The following CABIN1 variants were observed in gnomAD, a reference collection of about 807,000 sequenced individuals.
CABIN1 encodes the protein calcineurin-binding protein cabin-1.
CABIN1 carries 133 observed loss-of-function variants against 227.7 expected under a neutral mutation model. That is an observed-to-expected ratio of 0.58 (90% CI 0.51 to 0.67). The LOEUF is 0.67. Among genes scored for constraint, CABIN1 ranks in the 30% least tolerant of loss-of-function variants. The probability of loss-of-function intolerance (pLI) is 0.00; values close to 1 mark genes in which losing one functional copy is unlikely to be tolerated. For synonymous variants in CABIN1, 1,086 were observed against 1,155.1 expected, an observed-to-expected ratio of 0.94 and a Z score of 1.21; for missense variants, 2,408 against 2,852.5, an observed-to-expected ratio of 0.84 and a Z score of 3.55.
rs1194816894 is a variant in CABIN1 at position 24,012,366 on chromosome 22, C to CGTGGGCTGTACAAAAAGG, written c.-75+1008_-75+1025dup. Among the ~76,000 whole-genome samples the CGTGGGCTGTACAAAAAGG allele has an allele frequency of 7.2e-5, 11 of 152,170 alleles. No homozygotes were observed. The East Asian group carries it at 1.9e-3, about 27-fold the overall frequency. On this transcript the variant is annotated intron_variant, in intron 1 of 36. Transcript: ENST00000263119. ...AAAAATGTAAAAACCATTCTTTGCT[C>CGTGGGCTGTACAAAAAGG]GTGGGCTGTACAAAAAGGGTGGGCT...
chr22:24,065,654 G>C lies in CABIN1; in HGVS notation c.2038-1333G>C, dbSNP rs1303179019. ...GCACTTTGGGAGGCCAAGGCAGGCG[G>C]CTGGGAGGTGGAGGTTGTAGCAAGC... is the stretch of plus-strand genomic sequence containing the variant. On this transcript the variant is annotated intron_variant, in intron 15 of 36. Transcript: ENST00000263119. Among the ~76,000 whole-genome samples the C allele has an allele frequency of 2.0e-5, 3 of 152,356 alleles. No homozygotes were observed. The East Asian group carries it at 5.8e-4, about 29-fold the overall frequency.
intron 28 of CABIN1, among the ~76,000 whole-genome samples, chr22:24,129,266 A>T (rs2043920380): frequency 6.6e-6 from 1 of 152,200 alleles, no homozygotes; most frequent in African/African-American, 2.4e-5. Context: ...TGTGAAGAGA[A>T]AGGGAGCGTG....
intron 29 of CABIN1, among the ~76,000 whole-genome samples, chr22:24,163,174 A>C (rs1201618088): frequency 6.6e-6 from 1 of 152,144 alleles, no homozygotes; most frequent in Non-Finnish European, 1.5e-5. Flanking sequence ...TGGCCTCCAC[A>C]TAGTCCCCCA....
In CABIN1 at chr22:24,036,093, G is replaced by T; in HGVS notation, c.8G>T (p.Arg3Leu). The T allele has an allele frequency of 6.2e-7, 1 of 1,612,980 alleles. No individual in the cohort carries two copies. The highest frequency in any genetic ancestry group is 1.1e-5 in the South Asian group (1 of 91,042). The change falls in exon 3 of 37, where the codon CGA (arginine) becomes CTA (leucine). Residue 3 changes from arginine (R) to leucine (L), a missense_variant. Arg to Leu is a moderately radical substitution (Grantham distance 102). Coordinates refer to ENST00000263119, the MANE Select transcript of CABIN1 (RefSeq NM_012295.4). Reference protein sequence around the residue: MIRIAALNASSTI... With the variant: MILIAALNASSTI... Reference sequence around the variant, plus strand: ...CCACCAAACCCCTGTTTCTAGATTCGAATTGCAGCCTTAAATGCCAGCTCC... The same window carrying T: ...CCACCAAACCCCTGTTTCTAGATTCTAATTGCAGCCTTAAATGCCAGCTCC...
At chr22:24,091,426 T>A (rs2041534195) in intron 23 of CABIN1, among the ~76,000 whole-genome samples, 157 bp from the exon 24 acceptor site, 1 of 152,212 alleles carries the variant, frequency 6.6e-6, no homozygotes, top group Admixed American at 6.5e-5. Context: ...TACACTTCGG[T>A]GTCACCAGCT....
chr22:24,080,554 T>A (rs1051761445), intron 19 of CABIN1, among the ~76,000 whole-genome samples: 3 of 152,250 alleles, frequency 2.0e-5, no homozygotes, highest in Non-Finnish European at 4.4e-5. Flanking sequence ...TATTTAGGTC[T>A]TATGCTTTCA....
chr22:24,067,218 C>T (rs780910368), intron 16 of CABIN1, 37 bp downstream of exon 16: 1 of 1,599,698 alleles, frequency 6.3e-7, no homozygotes, highest in African/African-American at 1.3e-5. Context: ...CCACTTGCAC[C>T]TTCTCTCCTT....
Position 24,085,003 on chromosome 22 carries a change from C to T in CABIN1, c.3118-3C>T. 1 of 1,614,232 alleles carries T rather than the reference C, an allele frequency of 6.2e-7. No individual in the cohort carries two copies. Among genetic ancestry groups the T allele is most frequent in the Non-Finnish European group, 8.5e-7 (1 of 1,180,042 alleles). On this transcript the variant is annotated splice_polypyrimidine_tract_variant and splice_region_variant and intron_variant, in intron 21 of 36. Coordinates refer to ENST00000263119, the MANE Select transcript of CABIN1 (RefSeq NM_012295.4). ...CCCTCATACTTTTCCTCTCACCTGC[C>T]AGGTACCCTGCCTCCCAGAGGGGGC...
intron 26 of CABIN1, among the ~76,000 whole-genome samples, chr22:24,100,538 C>T (rs943889756): frequency 6.6e-6 from 1 of 152,236 alleles, no homozygotes; most frequent in Non-Finnish European, 1.5e-5. Flanking sequence ...TTCCTAGTTT[C>T]CACTCAGCTT....
chr22:24,042,874 G>T (rs2037527529), intron 5 of CABIN1, 30 bp from the exon 6 acceptor site: 2 of 1,387,242 alleles, frequency 1.4e-6, no homozygotes, highest in Non-Finnish European at 1.0e-6. Flanking sequence ...GTGTGTGTGT[G>T]TGTTTGCCCT....
intron 19 of CABIN1, among the ~76,000 whole-genome samples, chr22:24,078,665 A>G (rs1031706239): frequency 6.6e-6 from 1 of 152,176 alleles, no homozygotes; most frequent in African/African-American, 2.4e-5. Flanking sequence ...CCTGTGCTAT[A>G]GAGCCTTTAT....
At chr22:24,167,366 TCTTGC>T in intron 32 of CABIN1, 53 bp downstream of exon 32, 1 of 1,551,536 alleles carries the variant, frequency 6.4e-7, no homozygotes, top group South Asian at 1.2e-5. Flanking sequence ...GCATCCCCAC[TCTTGC>T]CTTTCTATCC....
At chr22:24,035,600 T>A in intron 2 of CABIN1, 80 bp downstream of exon 2, 2 of 1,555,874 alleles carry the variant, frequency 1.3e-6, no homozygotes, top group Non-Finnish European at 1.8e-6. Flanking sequence ...GGCATTTTCC[T>A]GTTAGATTCT....
At chr22:24,061,888 C>A (rs1244855169) in intron 12 of CABIN1, 59 bp from the exon 13 acceptor site, 43 of 1,244,480 alleles carry the variant, frequency 3.5e-5, no homozygotes, top group Non-Finnish European at 5.1e-5. Context: ...CCCCCTACCC[C>A]CCACACTGTG....
intron 29 of CABIN1, among the ~76,000 whole-genome samples, chr22:24,144,793 C>A (rs141078625): frequency 9.2e-5 from 14 of 152,202 alleles, no homozygotes; most frequent in African/African-American, 3.4e-4. Flanking sequence ...TGCTGTGCTC[C>A]GTGTTGCTGT....
intron 27 of CABIN1, among the ~76,000 whole-genome samples, chr22:24,119,080 G>A (rs2043247978): frequency 6.6e-6 from 1 of 152,220 alleles, no homozygotes; most frequent in South Asian, 2.1e-4. Flanking sequence ...ACCGTTCAGA[G>A]GGGAAGACCC....
intron 6 of CABIN1, among the ~76,000 whole-genome samples, chr22:24,045,159 C>T (rs1279573983): frequency 2.6e-5 from 4 of 152,210 alleles, no homozygotes; most frequent in African/African-American, 7.2e-5. Flanking sequence ...CTCCTGACCT[C>T]GTGATCCGCC....
chr22:24,122,340 T>G (rs2043465206), intron 28 of CABIN1, among the ~76,000 whole-genome samples: 1 of 152,176 alleles, frequency 6.6e-6, no homozygotes, highest in South Asian at 2.1e-4. Context: ...GGATTTTGGC[T>G]TTTTTCAGAT....
chr22:24,065,831 G>A (rs1315978346), intron 15 of CABIN1, among the ~76,000 whole-genome samples: 4 of 152,234 alleles, frequency 2.6e-5, no homozygotes, highest in Admixed American at 6.5e-5. Flanking sequence ...GCGAAACCCC[G>A]TCTCCACCGA....
Sources: allele counts gnomAD v4.1 joint callset (sites outside exome capture counted in the v4.1 genomes callset), GRCh38; gene constraint gnomAD v4.1.1; transcripts MANE v1.5; gene names NCBI Gene and HGNC (gene_info 2026-07-23, HGNC 2026-07-21).